Variants in AFG1L observed in about 807,000 individuals in gnomAD.
AFG1L encodes AFG1-like ATPase.
A neutral mutation model predicts 62.2 loss-of-function variants in AFG1L; 53 were observed. The observed-to-expected ratio is 0.85, with a 90% CI of 0.68 to 1.07. The LOEUF (loss-of-function observed/expected upper bound fraction) is 1.07. Ranked by LOEUF, AFG1L falls within the 50% of genes least tolerant of loss-of-function variation. The probability of loss-of-function intolerance (pLI) is 0.00; values close to 1 mark genes in which losing one functional copy is unlikely to be tolerated. For missense variants in AFG1L, 555 were observed against 590.5 expected, an observed-to-expected ratio of 0.94 and a Z score of 0.62; for synonymous variants, 228 against 210.3, an observed-to-expected ratio of 1.08 and a Z score of -0.73.
At chr6:108,478,233 T>G (rs992722736) in intron 10 of AFG1L, among the ~76,000 whole-genome samples, 2 of 152,098 alleles carry the variant, frequency 1.3e-5, no homozygotes, top group African/African-American at 4.8e-5. Context: ...GTCAGGAGAT[T>G]GAGACCATCC....
At chr6:108,338,057 G>A (rs148777407) in intron 2 of AFG1L, among the ~76,000 whole-genome samples, 235 of 152,180 alleles carry the variant, frequency 1.5e-3, no homozygotes, top group African/African-American at 4.7e-3. Flanking sequence ...ATGGTGGTGG[G>A]CACCTGTGGT....
chr6:108,469,313 C>G (rs1389507786), intron 8 of AFG1L, among the ~76,000 whole-genome samples: 1 of 151,920 alleles, frequency 6.6e-6, no homozygotes, highest in Admixed American at 6.6e-5. Flanking sequence ...TGAAAAGGTA[C>G]AGATTGTTAG....
intron 7 of AFG1L, among the ~76,000 whole-genome samples, chr6:108,402,717 T>C (rs1781687731): frequency 6.6e-6 from 1 of 152,176 alleles, no homozygotes. Flanking sequence ...TTTAAACTTA[T>C]ACATTTATTT....
chr6:108,431,077 A>G (rs993676121), intron 7 of AFG1L, among the ~76,000 whole-genome samples: 7 of 151,574 alleles, frequency 4.6e-5, no homozygotes, highest in Admixed American at 2.0e-4. Flanking sequence ...CAAGTTGACA[A>G]TGTTGGTACA....
At chr6:108,412,629 G>C (rs1246004875) in intron 7 of AFG1L, among the ~76,000 whole-genome samples, 1 of 152,190 alleles carries the variant, frequency 6.6e-6, no homozygotes, top group Non-Finnish European at 1.5e-5. Flanking sequence ...TTAAAGAAAA[G>C]AATTTTCAAC....
chr6:108,456,535 C>G (rs1036322202), intron 8 of AFG1L, among the ~76,000 whole-genome samples: 10 of 151,936 alleles, frequency 6.6e-5, no homozygotes, highest in Non-Finnish European at 4.4e-5. Flanking sequence ...AAGTCTATAA[C>G]TCAGTGGTTT....
At position 108,488,907 on chromosome 6, in the gene AFG1L, C is replaced by T. The variant is rs151167657; in HGVS notation, c.1062+11615C>T. Among the ~76,000 whole-genome samples, 1,451 of 152,190 alleles carry T rather than the reference C, an allele frequency of 9.5e-3. 17 individuals carry two copies. The highest frequency in any genetic ancestry group is 0.033 in the African/African-American group (1,371 of 41,542). ...GCAATTACAGAGTATATTCAGAGAA[C>T]TACAGACTCAGAAAGGTTCTACTTC... is the stretch of plus-strand genomic sequence containing the variant. On this transcript the variant is annotated intron_variant, in intron 10 of 12. Transcript: ENST00000368977.
At chr6:108,409,099 C>A (rs1781990352) in intron 7 of AFG1L, among the ~76,000 whole-genome samples, 1 of 152,112 alleles carries the variant, frequency 6.6e-6, no homozygotes, top group African/African-American at 2.4e-5. Context: ...AAGGGTACAT[C>A]TATTCCTATC....
chr6:108,369,331 G>C (rs551090108), intron 6 of AFG1L, among the ~76,000 whole-genome samples: 1 of 152,238 alleles, frequency 6.6e-6, no homozygotes, highest in East Asian at 1.9e-4. Flanking sequence ...GGCCAAAAAA[G>C]TTACATATTA....
At chr6:108,305,455 G>A (rs576274074) in intron 1 of AFG1L, among the ~76,000 whole-genome samples, 5 of 152,128 alleles carry the variant, frequency 3.3e-5, no homozygotes, top group Admixed American at 6.6e-5. Flanking sequence ...GTATGATCAC[G>A]GCTCACTGCA....
In AFG1L at chr6:108,415,793, T is replaced by C. The variant is rs1315916628; in HGVS notation, c.807+13739T>C. Among the ~76,000 whole-genome samples the C allele has an allele frequency of 3.9e-5, 6 of 152,294 alleles. No individual in the cohort carries two copies. The South Asian group carries it at 1.0e-3, about 26-fold the overall frequency. ...ATTCAAGATGGATTAAAGACTTAAA[T>C]GTTAGACCTAAAACCATAAAAACCT... is the stretch of plus-strand genomic sequence containing the variant. On this transcript the variant is annotated intron_variant, in intron 7 of 12. Coordinates refer to ENST00000368977, the MANE Select transcript of AFG1L (RefSeq NM_145315.5).
intron 1 of AFG1L, among the ~76,000 whole-genome samples, chr6:108,321,924 C>A (rs758743782): frequency 6.6e-6 from 1 of 152,198 alleles, no homozygotes; most frequent in East Asian, 1.9e-4. Context: ...CTCTGTTGCC[C>A]GGGCTGGAGT....
intron 1 of AFG1L, among the ~76,000 whole-genome samples, chr6:108,312,179 A>G (rs1354287841): frequency 2.0e-5 from 3 of 152,180 alleles, no homozygotes; most frequent in African/African-American, 7.2e-5. Context: ...ATATAATTTT[A>G]AAAAGAAAAT....
chr6:108,484,938 A>G (rs866219342), intron 10 of AFG1L, among the ~76,000 whole-genome samples: 42 of 152,036 alleles, frequency 2.8e-4, no homozygotes, highest in African/African-American at 9.4e-4. Flanking sequence ...ATTTTTTTTT[A>G]TATCTTACTA....
chr6:108,295,694 G>C (rs1456582716), intron 1 of AFG1L: 1 of 153,458 alleles, frequency 6.5e-6, no homozygotes, highest in Non-Finnish European at 1.4e-5. Context: ...TCGATTCTTG[G>C]TGTTCTTTTC....
At chr6:108,399,988 A>G (rs1307848379) in intron 6 of AFG1L, among the ~76,000 whole-genome samples, 2 of 151,856 alleles carry the variant, frequency 1.3e-5, no homozygotes, top group Non-Finnish European at 2.9e-5. Context: ...CATGTTGCTC[A>G]GGCTGGTCCT....
chr6:108,475,539 A>G (rs1476702914), intron 8 of AFG1L, among the ~76,000 whole-genome samples: 23 of 151,982 alleles, frequency 1.5e-4, no homozygotes, highest in Admixed American at 1.5e-3. Flanking sequence ...TTCCTTTAAG[A>G]TTGTTTCTGT....
intron 7 of AFG1L, among the ~76,000 whole-genome samples, chr6:108,424,748 G>C (rs1037601505): frequency 6.6e-6 from 1 of 152,022 alleles, no homozygotes; most frequent in Non-Finnish European, 1.5e-5. Context: ...TTTTAAATAC[G>C]TTTTCTCCCT....
intron 6 of AFG1L, among the ~76,000 whole-genome samples, chr6:108,378,812 AT>A (rs776698405): frequency 7.6e-4 from 114 of 150,430 alleles, no homozygotes; most frequent in Admixed American, 1.2e-3. Context: ...TGCACGTAGG[AT>A]TTTTTTCTTT....
Sources: gnomAD v4.1 joint callset for allele counts (sites outside exome capture counted in the v4.1 genomes callset) on GRCh38, gnomAD v4.1.1 for gene constraint, MANE v1.5 for transcripts, NCBI Gene and HGNC (gene_info 2026-07-23, HGNC 2026-07-21) for gene names.